The following CDH12 variants were observed in gnomAD, a reference collection of about 807,000 sequenced individuals.
The protein encoded by CDH12 is cadherin-12.
CDH12 carries 41 observed loss-of-function variants against 74.1 expected under a neutral mutation model. The observed-to-expected ratio is 0.55, with a 90% CI of 0.43 to 0.72. CDH12 has a LOEUF of 0.72. Among genes scored for constraint, CDH12 ranks in the 30% least tolerant of loss-of-function variants. The probability of loss-of-function intolerance (pLI) is 0.00; values close to 1 mark genes in which losing one functional copy is unlikely to be tolerated. For synonymous variants in CDH12, 399 were observed against 355.0 expected, an observed-to-expected ratio of 1.12 and a Z score of -1.39; for missense variants, 945 against 977.2, an observed-to-expected ratio of 0.97 and a Z score of 0.44.
At chr5:21,798,889 TG>T (rs771804598) in intron 10 of CDH12, among the ~76,000 whole-genome samples, 2 of 151,934 alleles carry the variant, frequency 1.3e-5, no homozygotes, top group Non-Finnish European at 2.9e-5. Flanking sequence ...TACCAAACGG[TG>T]GGGGTGCAGC....
chr5:22,763,461 T>A (rs547727279), intron 1 of CDH12, among the ~76,000 whole-genome samples: 1 of 151,908 alleles, frequency 6.6e-6, no homozygotes, highest in South Asian at 2.1e-4. Flanking sequence ...CAAATGAAGG[T>A]CAACTCTGTT....
intron 1 of CDH12, among the ~76,000 whole-genome samples, chr5:22,620,688 C>A (rs962268355): frequency 7.9e-5 from 12 of 152,070 alleles, no homozygotes; most frequent in African/African-American, 2.9e-4. Flanking sequence ...AAATGCTAGG[C>A]TGCCTGTGTC....
chr5:22,327,425 CCTCT>C (rs756816508), intron 3 of CDH12, among the ~76,000 whole-genome samples: 5 of 90,234 alleles, frequency 5.5e-5, no homozygotes, highest in African/African-American at 2.1e-4. Flanking sequence ...AAAATTTGTG[CCTCT>C]GTGTGTGTGT....
intron 1 of CDH12, among the ~76,000 whole-genome samples, chr5:22,564,451 A>T (rs975532839): frequency 6.6e-6 from 1 of 152,170 alleles, no homozygotes; most frequent in African/African-American, 2.4e-5. Flanking sequence ...TTACCACCAC[A>T]TTTTTAATAT....
chr5:22,132,658 G>C (rs1394456138), intron 4 of CDH12, among the ~76,000 whole-genome samples: 1 of 152,140 alleles, frequency 6.6e-6, no homozygotes, highest in African/African-American at 2.4e-5. Flanking sequence ...TCCCTAGGTG[G>C]GGTTCATACC....
At chr5:22,147,724 A>G (rs1357449633) in intron 4 of CDH12, among the ~76,000 whole-genome samples, 2 of 152,088 alleles carry the variant, frequency 1.3e-5, no homozygotes, top group Non-Finnish European at 2.9e-5. Flanking sequence ...GAAAGGGGAA[A>G]TCTCTTATAA....
chr5:21,919,627 A>T (rs1171881269), intron 6 of CDH12, among the ~76,000 whole-genome samples: 3 of 152,136 alleles, frequency 2.0e-5, no homozygotes, highest in South Asian at 2.1e-4. Context: ...ATTAGATGTC[A>T]CCAATCTCTT....
intron 9 of CDH12, among the ~76,000 whole-genome samples, chr5:21,807,379 G>C (rs953897520): frequency 2.0e-5 from 3 of 152,098 alleles, no homozygotes; most frequent in African/African-American, 7.2e-5. Flanking sequence ...CCTGGTGTCA[G>C]ATAAGCTCTT....
chr5:22,623,846 C>T (rs1446230069), intron 1 of CDH12, among the ~76,000 whole-genome samples: 8 of 152,088 alleles, frequency 5.3e-5, no homozygotes, highest in East Asian at 1.9e-4. Context: ...AAAAAGAGCC[C>T]GCATTGCCAA....
At chr5:22,848,945 T>C (rs2126538014) in intron 1 of CDH12, among the ~76,000 whole-genome samples, 1 of 152,268 alleles carries the variant, frequency 6.6e-6, no homozygotes, top group East Asian at 1.9e-4. Flanking sequence ...GTTTAGGATA[T>C]ATTGTGCTTC....
chr5:22,483,974 T>A (rs1047103175), intron 2 of CDH12, among the ~76,000 whole-genome samples: 2 of 150,600 alleles, frequency 1.3e-5, no homozygotes, highest in East Asian at 2.0e-4. Flanking sequence ...AGAAACAAAC[T>A]TCTTCTAACC....
At chr5:22,472,327 C>T (rs1745994305) in intron 2 of CDH12, among the ~76,000 whole-genome samples, 1 of 152,140 alleles carries the variant, frequency 6.6e-6, no homozygotes, top group Non-Finnish European at 1.5e-5. Flanking sequence ...TTACAAAGTT[C>T]TGAGTTTTAG....
chr5:22,280,199 C>A (rs1348369681), intron 3 of CDH12, among the ~76,000 whole-genome samples: 2 of 152,040 alleles, frequency 1.3e-5, no homozygotes, highest in African/African-American at 4.8e-5. Context: ...CTATTCATAT[C>A]CTTTGCCCAC....
At chr5:22,338,485 GA>G (rs1739696568) in intron 3 of CDH12, among the ~76,000 whole-genome samples, 1 of 152,032 alleles carries the variant, frequency 6.6e-6, no homozygotes, top group Admixed American at 6.6e-5. Context: ...AAAAAAAATA[GA>G]AGAATAAATA....
chr5:22,592,057 C>T (rs1408442162), intron 1 of CDH12, among the ~76,000 whole-genome samples: 1 of 152,112 alleles, frequency 6.6e-6, no homozygotes, highest in Non-Finnish European at 1.5e-5. Flanking sequence ...TCAATATAAA[C>T]CTTGGGTACC....
chr5:22,687,817 A>G (rs901437941), intron 1 of CDH12, among the ~76,000 whole-genome samples: 4 of 152,226 alleles, frequency 2.6e-5, no homozygotes, highest in Admixed American at 2.6e-4. Context: ...TTAACATAAA[A>G]AAGATTATCT....
intron 1 of CDH12, among the ~76,000 whole-genome samples, chr5:22,696,789 T>C (rs1742387128): frequency 6.6e-6 from 1 of 152,164 alleles, no homozygotes; most frequent in South Asian, 2.1e-4. Context: ...TCTCAGTGTT[T>C]TTAAAATAGT....
chr5:22,633,402 A>G (rs1047940740), intron 1 of CDH12, among the ~76,000 whole-genome samples: 6 of 152,210 alleles, frequency 3.9e-5, no homozygotes, highest in Non-Finnish European at 8.8e-5. Flanking sequence ...TGCAATGGTT[A>G]TAAACTTATT....
intron 8 of CDH12, among the ~76,000 whole-genome samples, chr5:21,830,765 T>A (rs1308151400): frequency 2.0e-5 from 3 of 151,954 alleles, no homozygotes; most frequent in Non-Finnish European, 2.9e-5. Flanking sequence ...AGGCCAGGTA[T>A]GGTGGCTCAA....
Sources: allele counts gnomAD v4.1 joint callset (sites outside exome capture counted in the v4.1 genomes callset), GRCh38; gene constraint gnomAD v4.1.1; transcripts MANE v1.5; gene names NCBI Gene and HGNC (gene_info 2026-07-23, HGNC 2026-07-21).